The following TAF7L variants were observed in gnomAD, a reference collection of about 807,000 sequenced individuals.
TAF7L encodes transcription initiation factor TFIID subunit 7-like.
Under a neutral mutation model 30.2 loss-of-function variants are expected in TAF7L, and 6 were observed. The observed-to-expected ratio is 0.20, with a 90% CI of 0.11 to 0.39. TAF7L has a LOEUF of 0.39. Among genes scored for constraint, TAF7L ranks in the 10% least tolerant of loss-of-function variants. The probability of loss-of-function intolerance (pLI) is 1.00; values close to 1 mark genes in which losing one functional copy is unlikely to be tolerated. For missense variants in TAF7L, 284 were observed against 277.1 expected, an observed-to-expected ratio of 1.03 and a Z score of -0.18; for synonymous variants, 93 against 94.5, an observed-to-expected ratio of 0.98 and a Z score of 0.09.
chrX:101,269,534 G>A (rs1281688754), intron 12 of TAF7L, among the ~76,000 whole-genome samples: 1 of 111,820 alleles, frequency 8.9e-6, no homozygotes, highest in Non-Finnish European at 1.9e-5. Context: ...GAGGTTTAAT[G>A]GACTTACAGT....
chrX:101,279,386 C>T (rs1346062455), intron 6 of TAF7L, among the ~76,000 whole-genome samples: 1 of 111,621 alleles, frequency 9.0e-6, no homozygotes, highest in Non-Finnish European at 1.9e-5. Context: ...CTTTGGGAGG[C>T]CAAGGCGGGC....
chrX:101,286,710 C>A, intron 2 of TAF7L, 57 bp from the exon 3 acceptor site: 3 of 912,907 alleles, frequency 3.3e-6, no homozygotes, highest in Non-Finnish European at 4.7e-6. Context: ...TGGCAGCTAA[C>A]AGAATAGATA....
At chrX:101,271,607 G>A (rs1418323636) in intron 12 of TAF7L, among the ~76,000 whole-genome samples, 1 of 112,096 alleles carries the variant, frequency 8.9e-6, no homozygotes, top group African/African-American at 3.2e-5. Context: ...CAGTGAGTGA[G>A]TGGTGAGTGA....
upstream of TAF7L, chrX:101,292,701 T>C (rs1238340375): frequency 1.7e-5 from 19 of 1,116,848 alleles, no homozygotes; most frequent in Non-Finnish European, 2.2e-5. Flanking sequence ...GGGGCCGCAA[T>C]TCAAACAAAT....
At chrX:101,275,393 G>T in intron 11 of TAF7L, 112 bp from the exon 12 acceptor site, 1 of 549,818 alleles carries the variant, frequency 1.8e-6, no homozygotes, top group African/African-American at 2.4e-5. Flanking sequence ...TTTTGAGGCG[G>T]AATCTTCCTC....
At chrX:101,281,599 A>T in intron 6 of TAF7L, 121 bp downstream of exon 6, 2 of 674,872 alleles carry the variant, frequency 3.0e-6, no homozygotes, top group Non-Finnish European at 4.7e-6. Flanking sequence ...ACATTCAATA[A>T]ATGTTTATTG....
intron 1 of TAF7L, among the ~76,000 whole-genome samples, chrX:101,289,087 C>G (rs1410049433): frequency 8.9e-6 from 1 of 112,046 alleles, no homozygotes; most frequent in Non-Finnish European, 1.9e-5. Flanking sequence ...ATAACCAACA[C>G]TACTCTCTGC....
In TAF7L at chrX:101,287,867, T is replaced by C. The variant is rs754961798; in HGVS notation, c.-2-322A>G. 5 of 164,342 alleles carry C rather than the reference T, an allele frequency of 3.0e-5. No individual in the cohort carries two copies. In the South Asian group the frequency reaches 1.3e-3, roughly 43 times the overall value. The allele number at this position is 164,342 out of a possible 1,213,427, so 13.5% of individuals were successfully genotyped here. A position where few individuals can be genotyped will look rare whatever the true frequency, so the allele number is the denominator to read the frequency against. ...TTAATCATATTCTTAGACTCTCAGG[T>C]AAAAGACTACAATTCAACAACACGT... On this transcript the variant is annotated intron_variant, in intron 1 of 12. Transcript: ENST00000356784.
upstream of TAF7L, chrX:101,292,765 G>T (rs1291789742): frequency 2.5e-6 from 3 of 1,195,541 alleles, no homozygotes; most frequent in Non-Finnish European, 1.1e-6. Flanking sequence ...CTCGGCTGGG[G>T]GAACAAGCTT....
chrX:101,286,687 C>A (rs1202145232), intron 2 of TAF7L, 34 bp from the exon 3 acceptor site: 3 of 1,063,237 alleles, frequency 2.8e-6, no homozygotes, highest in Non-Finnish European at 3.9e-6. Context: ...ATCAGAAGAA[C>A]TAAACATCTA....
chrX:101,292,037 A>C (rs1924825163), upstream of TAF7L, among the ~76,000 whole-genome samples: 1 of 106,774 alleles, frequency 9.4e-6, no homozygotes, highest in African/African-American at 3.4e-5. Context: ...CAGGAGTTCG[A>C]GATCAGCCTG....
intron 12 of TAF7L, among the ~76,000 whole-genome samples, chrX:101,271,167 A>G (rs374497029): frequency 8.9e-6 from 1 of 111,867 alleles, no homozygotes; most frequent in African/African-American, 3.3e-5. Context: ...TACTAAATCT[A>G]ATTTGGATAA....
intron 1 of TAF7L, among the ~76,000 whole-genome samples, chrX:101,288,941 G>A (rs1216247321): frequency 9.0e-6 from 1 of 110,697 alleles, no homozygotes; most frequent in Admixed American, 9.7e-5. Flanking sequence ...GGAAGTGGGA[G>A]ATTGTATACC....
intron 3 of TAF7L, among the ~76,000 whole-genome samples, chrX:101,283,884 T>A (rs1193977155): frequency 9.1e-6 from 1 of 109,472 alleles, no homozygotes; most frequent in East Asian, 2.8e-4. Context: ...AAAAGCAAAT[T>A]CCATTCATTA....
rs758668006 is a variant in TAF7L at position 101,281,625 on chromosome X, T to C, written c.462+95A>G. On this transcript the variant is annotated intron_variant, in intron 6 of 12. Transcript: ENST00000356784. ...ATGTTTATTGAACATATAAATGAAT[T>C]AAAAATTAATTCCCAACTGACTTTT... 5 of 844,839 alleles carry C rather than the reference T, an allele frequency of 5.9e-6. No homozygotes were observed. In the African/African-American group the frequency reaches 8.1e-5, roughly 14 times the overall value. 69.6% of individuals were successfully genotyped at this position (844,839 alleles called of 1,213,427 possible). A position where few individuals can be genotyped will look rare whatever the true frequency, so the allele number is the denominator to read the frequency against.
rs1416216139 is a variant in TAF7L, at chrX:101,268,917, T to A, written c.*276A>T. ...GAGTCTGAATTCAGCCTGGGCAACA[T>A]AACAAGACCCCATTTCTAAATTAAT... On this transcript the variant is annotated 3_prime_UTR_variant, in exon 13 of 13. Transcript: ENST00000356784. 4.1e-6 allele frequency: 1 copy of A among 246,795 alleles called. No homozygotes were observed. The highest frequency in any genetic ancestry group is 7.2e-6 in the Non-Finnish European group (1 of 139,232). 20.3% of individuals were successfully genotyped at this position (246,795 alleles called of 1,213,427 possible). A position where few individuals can be genotyped will look rare whatever the true frequency, so the allele number is the denominator to read the frequency against.
At chrX:101,273,475 GTTAC>G (rs1185955643) in intron 12 of TAF7L, among the ~76,000 whole-genome samples, 4 of 111,267 alleles carry the variant, frequency 3.6e-5, no homozygotes, top group Non-Finnish European at 5.7e-5. Flanking sequence ...TGTAGTCCCA[GTTAC>G]TTGGGAGGCT....
chrX:101,282,736 T>C (rs1159073713), intron 4 of TAF7L, among the ~76,000 whole-genome samples: 1 of 110,432 alleles, frequency 9.1e-6, no homozygotes, highest in Non-Finnish European at 1.9e-5. Context: ...AGGGAATATA[T>C]TGGAAACAGA....
chrX:101,287,632 G>C (rs1931747865), intron 1 of TAF7L, 87 bp from the exon 2 acceptor site: 5 of 661,704 alleles, frequency 7.6e-6, no homozygotes, highest in Admixed American at 5.4e-5. Context: ...GGTAGTACTG[G>C]CTAAATTATA....
Sources: allele counts gnomAD v4.1 joint callset (sites outside exome capture counted in the v4.1 genomes callset), GRCh38; gene constraint gnomAD v4.1.1; transcripts MANE v1.5; gene names NCBI Gene and HGNC (gene_info 2026-07-23, HGNC 2026-07-21).